Variants in KCNQ1OT1 observed in about 807,000 individuals in gnomAD.
The protein encoded by KCNQ1OT1 is KCNQ1 antisense RNA 2 (non-protein coding).
chr11:2,625,874 G>A (rs948631573), exon 1 of KCNQ1OT1: 1 of 398,436 alleles, frequency 2.5e-6, no homozygotes, highest in African/African-American at 2.1e-5. Context: ...TGGCCCTTTT[G>A]CCCATTTTTC....
exon 1 of KCNQ1OT1, chr11:2,667,195 G>C (rs1034634521): frequency 1.0e-5 from 4 of 398,578 alleles, no homozygotes; most frequent in African/African-American, 8.2e-5. Flanking sequence ...CAGCTGTGGC[G>C]GCCCCCCGTG....
exon 1 of KCNQ1OT1, chr11:2,632,400 G>T (rs1198167116): frequency 5.0e-6 from 2 of 398,302 alleles, no homozygotes; most frequent in Non-Finnish European, 4.4e-6. Context: ...CCACTACTAT[G>T]TTTAATATAA....
At chr11:2,666,844 A>C (rs1850080183) in exon 1 of KCNQ1OT1, 1 of 398,600 alleles carries the variant, frequency 2.5e-6, no homozygotes, top group Admixed American at 4.4e-5. Flanking sequence ...ACCAGTGTCC[A>C]GAAGGATGAG....
exon 1 of KCNQ1OT1, chr11:2,634,138 T>C: frequency 2.5e-6 from 1 of 397,648 alleles, no homozygotes; most frequent in Non-Finnish European, 4.4e-6. Context: ...CTTTGGTATT[T>C]TTTTTTTTTT....
At position 2,687,089 on chromosome 11, in the gene KCNQ1OT1, G is replaced by T. The variant is rs1349440489; in HGVS notation, n.12906C>A. ...AAAGTGATGCAAGATATCCTGAGTT[G>T]GGTGTGACAAGTACACCTTGACACA... On this transcript the variant is annotated non_coding_transcript_exon_variant, in exon 1 of 1. Transcript: ENST00000597346. The surrounding 1 kb of genome is among the most constrained non-coding windows in gnomAD (Gnocchi z 5.0). The T allele has an allele frequency of 1.8e-5, 7 of 398,526 alleles. No homozygotes were observed. The Admixed American group carries it at 3.1e-4, about 18-fold the overall frequency. 24.7% of individuals were successfully genotyped at this position (398,526 alleles called of 1,614,324 possible). A position where few individuals can be genotyped will look rare whatever the true frequency, so the allele number is the denominator to read the frequency against.
At chr11:2,616,774 A>G (rs2133798193) in exon 1 of KCNQ1OT1, 1 of 398,208 alleles carries the variant, frequency 2.5e-6, no homozygotes, top group Non-Finnish European at 4.4e-6. Flanking sequence ...TCTATATTTT[A>G]AAATTTATTG....
At chr11:2,667,914 G>A in exon 1 of KCNQ1OT1, 1 of 398,608 alleles carries the variant, frequency 2.5e-6, no homozygotes. Flanking sequence ...TCAGTCCCTG[G>A]GACCCATGTG....
chr11:2,633,430 C>T, exon 1 of KCNQ1OT1: 1 of 398,438 alleles, frequency 2.5e-6, no homozygotes, highest in Non-Finnish European at 4.4e-6. Flanking sequence ...AAAGTCTTAC[C>T]CATAAAATCT....
At chr11:2,610,359 AATGAT>A (rs1262797739) in exon 1 of KCNQ1OT1, 1 of 397,876 alleles carries the variant, frequency 2.5e-6, no homozygotes, top group African/African-American at 2.1e-5. Flanking sequence ...CATACTATAT[AATGAT>A]ATATCTTTAA....
exon 1 of KCNQ1OT1, chr11:2,667,478 G>A (rs1850099257): frequency 2.5e-6 from 1 of 397,450 alleles, no homozygotes; most frequent in Non-Finnish European, 4.4e-6. Context: ...TGGAGGATGT[G>A]ACAGAGAGAA....
In KCNQ1OT1 at chr11:2,647,987, G is replaced by A; in HGVS notation, n.52008C>T. ...CCAGTACTTTGGAAGGCCAAGGCAG[G>A]CCGATCGCTTGAGTCCAGGAGTTTG... On this transcript the variant is annotated non_coding_transcript_exon_variant, in exon 1 of 1. Transcript: ENST00000597346. The surrounding 1 kb of genome is among the most constrained non-coding windows in gnomAD (Gnocchi z 4.0). 2.5e-6 allele frequency: 1 copy of A among 397,604 alleles called. No homozygotes were observed. The highest frequency in any genetic ancestry group is 4.4e-6 in the Non-Finnish European group (1 of 226,006). The allele number at this position is 397,604 out of a possible 1,614,324, so 24.6% of individuals were successfully genotyped here.
chr11:2,670,776 C>G lies in KCNQ1OT1; in HGVS notation n.29219G>C, dbSNP rs1486507617. On this transcript the variant is annotated non_coding_transcript_exon_variant, in exon 1 of 1. Transcript: ENST00000597346. This position sits in a 1 kb window ranked among gnomAD's most constrained non-coding sequence, Gnocchi z 4.9. ...GGCCAGTGGCTCTTGTGGCTGCCCTCTGCAATAAGAATTCTTCAAGTTCAG... is the reference window on the plus strand; with the variant it reads ...GGCCAGTGGCTCTTGTGGCTGCCCTGTGCAATAAGAATTCTTCAAGTTCAG... The G allele has an allele frequency of 7.5e-6, 3 of 398,624 alleles. No individual in the cohort carries two copies. The highest frequency in any genetic ancestry group is 1.3e-5 in the Non-Finnish European group (3 of 226,090). The allele number at this position is 398,624 out of a possible 1,614,324, so 24.7% of individuals were successfully genotyped here. A position where few individuals can be genotyped will look rare whatever the true frequency, so the allele number is the denominator to read the frequency against.
At position 2,620,223 on chromosome 11, in the gene KCNQ1OT1, T is replaced by A. The variant is rs1409290329; in HGVS notation, n.79772A>T. ...TGTATATATATATATTTTTTTTTTTTATTTTTTTTTTAGACGGAGTTTCGC... is the reference window on the plus strand; with the variant it reads ...TGTATATATATATATTTTTTTTTTTAATTTTTTTTTTAGACGGAGTTTCGC... On this transcript the variant is annotated non_coding_transcript_exon_variant, in exon 1 of 1. Transcript: ENST00000597346. The surrounding 1 kb of genome is among the most constrained non-coding windows in gnomAD (Gnocchi z 4.5). 52 of 270,932 alleles carry A rather than the reference T, an allele frequency of 1.9e-4. No individual in the cohort carries two copies. The highest frequency in any genetic ancestry group is 6.8e-4 in the East Asian group (10 of 14,756). 16.8% of individuals were successfully genotyped at this position (270,932 alleles called of 1,614,324 possible).
Position 2,661,955 on chromosome 11 carries a change from C to G in KCNQ1OT1, n.38040G>C. 1 of 1,614,194 alleles carries G rather than the reference C, an allele frequency of 6.2e-7. No individual in the cohort carries two copies. On this transcript the variant is annotated non_coding_transcript_exon_variant, in exon 1 of 1. Coordinates refer to ENST00000597346, the Ensembl canonical transcript of KCNQ1OT1. This position sits in a 1 kb window ranked among gnomAD's most constrained non-coding sequence, Gnocchi z 5.9. The stretch of plus-strand genomic sequence containing the variant: ...CTAACGTGCTGTCCCCACACTTTCT[C>G]CTCAGTAAGGAAGAGCCCAACACTG...
At chr11:2,684,613 A>G (rs1335378100) in exon 1 of KCNQ1OT1, 2 of 398,408 alleles carry the variant, frequency 5.0e-6, no homozygotes, top group South Asian at 1.3e-4. Flanking sequence ...GTGGCCCTGG[A>G]TTTGAGGCTA....
At position 2,678,788 on chromosome 11, in the gene KCNQ1OT1, T is replaced by C. The variant is rs997601275; in HGVS notation, n.21207A>G. On this transcript the variant is annotated non_coding_transcript_exon_variant, in exon 1 of 1. Coordinates refer to ENST00000597346, the Ensembl canonical transcript of KCNQ1OT1. This position sits in a 1 kb window ranked among gnomAD's most constrained non-coding sequence, Gnocchi z 4.9. ...GAGGCTTCATCGTGGCAGCTAATAA[T>C]GTCAGGGAGCATGAGCACTTGTTTC... The C allele has an allele frequency of 5.8e-5, 23 of 398,468 alleles. No homozygotes were observed. Among genetic ancestry groups the C allele is most frequent in the Non-Finnish European group, 9.3e-5 (21 of 226,082 alleles). The allele number at this position is 398,468 out of a possible 1,614,324, so 24.7% of individuals were successfully genotyped here.
chr11:2,662,707 G>T (rs1035570425), exon 1 of KCNQ1OT1: 1 of 401,808 alleles, frequency 2.5e-6, no homozygotes, highest in Non-Finnish European at 4.4e-6. Context: ...GTGCAGCGGG[G>T]TCAGTGGGGC....
chr11:2,648,064 A>T (rs1449156313), exon 1 of KCNQ1OT1: 3 of 397,398 alleles, frequency 7.5e-6, no homozygotes, highest in Non-Finnish European at 1.3e-5. Context: ...AAAAAAAAAA[A>T]AAAATTAGCG....
exon 1 of KCNQ1OT1, chr11:2,619,646 G>C: frequency 2.5e-6 from 1 of 396,988 alleles, no homozygotes; most frequent in East Asian, 3.6e-5. Context: ...GATGCCTTTG[G>C]CTCACCTGGG....
Sources: allele counts gnomAD v4.1 joint callset, GRCh38; gene constraint gnomAD v4.1.1; non-coding constraint Gnocchi (gnomAD v3.1); transcripts MANE v1.5; gene names NCBI Gene and HGNC (gene_info 2026-07-23, HGNC 2026-07-21).